Variants in ZEB1 observed in about 807,000 individuals in gnomAD.
ZEB1 encodes zinc finger E-box binding homeobox 1.
Under a neutral mutation model 84.9 loss-of-function variants are expected in ZEB1, and 21 were observed. The ratio of observed to expected loss-of-function variants is 0.25; its 90% CI spans 0.18 to 0.36. ZEB1 has a LOEUF of 0.36. Ranked by LOEUF, ZEB1 falls within the 10% of genes least tolerant of loss-of-function variation. The pLI, the probability that ZEB1 is intolerant of heterozygous loss-of-function variation, is 1.00. For missense variants in ZEB1, 1,104 were observed against 1,330.2 expected (o/e 0.83, Z 2.65); for synonymous variants, 420 against 471.1 (o/e 0.89, Z 1.41).
chr10:31,330,391 C>T (rs1195646229), intron 1 of ZEB1, among the ~76,000 whole-genome samples: 4 of 150,472 alleles, frequency 2.7e-5, no homozygotes, highest in African/African-American at 5.0e-5. Context: ...ATGTCCTTGA[C>T]ACATTTTAAT....
chr10:31,500,787 C>T (rs220059), intron 3 of ZEB1, among the ~76,000 whole-genome samples: 140,362 of 152,230 alleles, frequency 0.92, 64,906 homozygotes, highest in East Asian at 1. Flanking sequence ...TACATGGAAG[C>T]TGAGGATCCG....
intron 1 of ZEB1, chr10:31,363,472 G>A: frequency 2.0e-6 from 3 of 1,532,492 alleles, no homozygotes; most frequent in Non-Finnish European, 2.6e-6. Flanking sequence ...GTTTCCCTGA[G>A]TCTCCAGGGG....
At chr10:31,399,590 G>A (rs1462127272) in intron 1 of ZEB1, among the ~76,000 whole-genome samples, 2 of 152,032 alleles carry the variant, frequency 1.3e-5, no homozygotes, top group Non-Finnish European at 2.9e-5. Context: ...TACCTGTATT[G>A]ATGCAAAAAG....
At chr10:31,376,810 G>A (rs188002275) in intron 1 of ZEB1, among the ~76,000 whole-genome samples, 78 of 151,832 alleles carry the variant, frequency 5.1e-4, no homozygotes, top group African/African-American at 1.3e-3. Flanking sequence ...GGCTCCATAT[G>A]TTGTTTTAGT....
intron 1 of ZEB1, among the ~76,000 whole-genome samples, chr10:31,418,359 A>G (rs1319768507): frequency 6.6e-6 from 1 of 152,072 alleles, no homozygotes; most frequent in Non-Finnish European, 1.5e-5. Flanking sequence ...TTCCAAGGCC[A>G]GAATGTAGAT....
At chr10:31,395,319 T>A (rs2050510910) in intron 1 of ZEB1, among the ~76,000 whole-genome samples, 3 of 152,188 alleles carry the variant, frequency 2.0e-5, no homozygotes, top group South Asian at 4.1e-4. Flanking sequence ...TGCTTTTTTT[T>A]CTTTTTATTT....
intron 1 of ZEB1, among the ~76,000 whole-genome samples, chr10:31,414,203 A>G (rs2054803261): frequency 1.3e-5 from 2 of 152,252 alleles, no homozygotes; most frequent in African/African-American, 2.4e-5. Context: ...GTAAAAGCAC[A>G]CAACATAGTG....
rs1001392639 is a variant in ZEB1, at chr10:31,523,783, G to A, written c.2605-150G>A. ...ATCTGGCCCCACCCTTGGGGCACAT[G>A]TGCAGTGAAGATCAGTGTGCTTGCT... On this transcript the variant is annotated intron_variant, in intron 7 of 8. Coordinates refer to ENST00000424869, the MANE Select transcript of ZEB1 (RefSeq NM_001174096.2). 5.9e-6 allele frequency: 5 copies of A among 854,178 alleles called. No homozygotes were observed. The African/African-American group carries it at 8.4e-5, about 14-fold the overall frequency. The allele number at this position is 854,178 out of a possible 1,614,324, so 52.9% of individuals were successfully genotyped here. A position where few individuals can be genotyped will look rare whatever the true frequency, so the allele number is the denominator to read the frequency against.
intron 1 of ZEB1, among the ~76,000 whole-genome samples, chr10:31,430,494 A>C (rs2057585767): frequency 6.6e-6 from 1 of 152,202 alleles, no homozygotes; most frequent in African/African-American, 2.4e-5. Context: ...GAACTTATTA[A>C]ATATTGTCTT....
intron 1 of ZEB1, among the ~76,000 whole-genome samples, chr10:31,351,806 TAA>T (rs1344843769): frequency 2.6e-5 from 4 of 152,234 alleles, no homozygotes; most frequent in Non-Finnish European, 4.4e-5. Flanking sequence ...TACAGTTGTA[TAA>T]CAGAAATTTA....
At chr10:31,474,898 C>T (rs2063850547) in intron 2 of ZEB1, among the ~76,000 whole-genome samples, 1 of 152,186 alleles carries the variant, frequency 6.6e-6, no homozygotes, top group South Asian at 2.1e-4. Flanking sequence ...AGGATGAGTT[C>T]ATGTCCTTTG....
chr10:31,457,839 G>C (rs1373039746), intron 1 of ZEB1, among the ~76,000 whole-genome samples: 1 of 152,042 alleles, frequency 6.6e-6, no homozygotes, highest in Non-Finnish European at 1.5e-5. Flanking sequence ...CTAATTTGGG[G>C]GAAGTTTTCA....
At chr10:31,398,483 G>T (rs545652421) in intron 1 of ZEB1, among the ~76,000 whole-genome samples, 11 of 151,822 alleles carry the variant, frequency 7.2e-5, no homozygotes, top group Non-Finnish European at 1.0e-4. Context: ...TTCACTACTG[G>T]ATCTTTTCCA....
At chr10:31,371,671 G>A (rs1301337045) in intron 1 of ZEB1, among the ~76,000 whole-genome samples, 1 of 152,028 alleles carries the variant, frequency 6.6e-6, no homozygotes, top group Admixed American at 6.6e-5. Flanking sequence ...CATATTTTAG[G>A]TTATAAGCTC....
chr10:31,318,970 A>C, upstream of ZEB1: 1 of 522,530 alleles, frequency 1.9e-6, no homozygotes, highest in Non-Finnish European at 3.5e-6. Context: ...CCCTCTCCCC[A>C]CCACACCTGA....
At chr10:31,443,849 C>G (rs1319901901) in intron 1 of ZEB1, among the ~76,000 whole-genome samples, 1 of 151,096 alleles carries the variant, frequency 6.6e-6, no homozygotes, top group South Asian at 2.1e-4. Flanking sequence ...TCTTTGCTAT[C>G]GTGAATAGTG....
intron 2 of ZEB1, among the ~76,000 whole-genome samples, chr10:31,491,010 TTGTC>T (rs2066455845): frequency 6.6e-6 from 1 of 151,756 alleles, no homozygotes; most frequent in Non-Finnish European, 1.5e-5. Flanking sequence ...ACATGGGTAA[TTGTC>T]TGTCTATACT....
chr10:31,490,145 AG>A (rs1442423436), intron 2 of ZEB1, among the ~76,000 whole-genome samples: 3 of 151,260 alleles, frequency 2.0e-5, no homozygotes, highest in Non-Finnish European at 3.0e-5. Context: ...ATTTGAGCCT[AG>A]TGTTTGATTG....
rs566125306 is a variant in ZEB1, at chr10:31,415,128, C to A, written c.59-45909C>A. ...AAGAACTTTCATCTGCTAGGCACTGCTGATGGTAGAATGCCATGCCTTTAA... is the reference window on the plus strand; with the variant it reads ...AAGAACTTTCATCTGCTAGGCACTGATGATGGTAGAATGCCATGCCTTTAA... On this transcript the variant is annotated intron_variant, in intron 1 of 8. Coordinates refer to ENST00000424869, the MANE Select transcript of ZEB1 (RefSeq NM_001174096.2). Among the ~76,000 whole-genome samples the A allele has an allele frequency of 3.9e-5, 6 of 152,256 alleles. No individual in the cohort carries two copies. The South Asian group carries it at 1.2e-3, about 32-fold the overall frequency.
Sources: gnomAD v4.1 joint callset for allele counts (sites outside exome capture counted in the v4.1 genomes callset) on GRCh38, gnomAD v4.1.1 for gene constraint, MANE v1.5 for transcripts, NCBI Gene and HGNC (gene_info 2026-07-23, HGNC 2026-07-21) for gene names.